Variants in MCTP1 observed in about 807,000 individuals in gnomAD.
The protein encoded by MCTP1 is multiple C2 and transmembrane domain containing 1, also known as multiple C2 and transmembrane domain-containing protein 1.
MCTP1 carries 69 observed loss-of-function variants against 120.6 expected under a neutral mutation model. The observed-to-expected ratio is 0.57, with a 90% CI of 0.47 to 0.70. MCTP1 has a LOEUF of 0.70. Ranked by LOEUF, MCTP1 falls within the 30% of genes least tolerant of loss-of-function variation. The pLI, the probability that MCTP1 is intolerant of heterozygous loss-of-function variation, is 0.00. For missense variants in MCTP1, 1,203 were observed against 1,248.8 expected (o/e 0.96, Z 0.55); for synonymous variants, 529 against 493.1 (o/e 1.07, Z -0.96).
chr5:94,932,018 T>G, intron 5 of MCTP1, 27 bp from the exon 6 acceptor site: 1 of 1,535,438 alleles, frequency 6.5e-7, no homozygotes, highest in Non-Finnish European at 9.0e-7. Context: ...GCATTTTCAT[T>G]ATCTTTTCAC....
At chr5:95,005,031 G>A (rs543740602) in intron 2 of MCTP1, among the ~76,000 whole-genome samples, 4 of 152,270 alleles carry the variant, frequency 2.6e-5, no homozygotes, top group South Asian at 4.1e-4. Context: ...AGAGCCACAG[G>A]GGCAGAGCTG....
intron 12 of MCTP1, among the ~76,000 whole-genome samples, chr5:94,879,055 C>A (rs1040448687): frequency 1.2e-4 from 18 of 151,934 alleles, no homozygotes; most frequent in Admixed American, 1.2e-3. Context: ...AAGAGCTAGA[C>A]CAAAAGCCTG....
intron 17 of MCTP1, chr5:94,867,394 A>T (rs1415916595): frequency 6.9e-7 from 1 of 1,442,754 alleles, no homozygotes; most frequent in Non-Finnish European, 9.4e-7. Context: ...TGAGAGGAAG[A>T]CAGAGCTCAA....
intron 16 of MCTP1, 24 bp downstream of exon 16, chr5:94,870,393 G>T (rs1375459240): frequency 6.1e-6 from 9 of 1,481,768 alleles, no homozygotes; most frequent in Non-Finnish European, 7.5e-6. Context: ...TTCCCAGAGG[G>T]ATTAATCTTT....
Position 94,708,579 on chromosome 5 carries a change from C to A in MCTP1, c.2861G>T (p.Ser954Ile). Reference sequence around the variant, plus strand: ...TTCATTGTTATCAATTGCATATGGACTCCGAAGCTTTTTTGTAAATTTATT... The same window carrying A: ...TTCATTGTTATCAATTGCATATGGAATCCGAAGCTTTTTTGTAAATTTATT... ...GINKFTKKLR[S>I]PYAIDNNELL... Residue 954 changes from serine to isoleucine, a missense_variant, in exon 22 of 23, where the codon AGT (serine) becomes ATT (isoleucine). Around this residue, in one of 2 missense-constraint regions of MCTP1, gnomAD observed 740 missense variants for 871.1 expected, o/e 0.85. Coordinates refer to ENST00000515393, the MANE Select transcript of MCTP1 (RefSeq NM_024717.7). 1 of 1,610,972 alleles carries A rather than the reference C, an allele frequency of 6.2e-7. No individual in the cohort carries two copies. Among genetic ancestry groups the A allele is most frequent in the South Asian group, 1.1e-5 (1 of 90,960 alleles).
intron 20 of MCTP1, among the ~76,000 whole-genome samples, chr5:94,712,360 A>C (rs1757352879): frequency 6.6e-6 from 1 of 152,086 alleles, no homozygotes; most frequent in Non-Finnish European, 1.5e-5. Context: ...CATGTGGATA[A>C]ATGTGTTTTT....
At chr5:94,853,720 A>G (rs1794198032) in intron 17 of MCTP1, among the ~76,000 whole-genome samples, 1 of 151,968 alleles carries the variant, frequency 6.6e-6, no homozygotes, top group Non-Finnish European at 1.5e-5. Context: ...CTACTGCTCT[A>G]CTTGCTCTCT....
At chr5:94,879,391 A>G (rs1799587026) in intron 12 of MCTP1, among the ~76,000 whole-genome samples, 1 of 152,100 alleles carries the variant, frequency 6.6e-6, no homozygotes, top group African/African-American at 2.4e-5. Flanking sequence ...ACCAAACACC[A>G]GTATGCTCCC....
intron 18 of MCTP1, among the ~76,000 whole-genome samples, chr5:94,786,042 A>G (rs1470869284): frequency 1.3e-5 from 2 of 152,138 alleles, no homozygotes; most frequent in Admixed American, 1.3e-4. Context: ...AACATTAGGG[A>G]TCTTTAAAGA....
chr5:94,903,830 C>T (rs1806135427), intron 10 of MCTP1, among the ~76,000 whole-genome samples: 1 of 152,164 alleles, frequency 6.6e-6, no homozygotes, highest in Admixed American at 6.5e-5. Context: ...GCAAATAACT[C>T]CAACTGAATA....
chr5:94,965,107 T>C (rs1451433509), intron 2 of MCTP1, among the ~76,000 whole-genome samples: 1 of 152,194 alleles, frequency 6.6e-6, no homozygotes, highest in Non-Finnish European at 1.5e-5. Context: ...CTTGAATAAC[T>C]CTCTGAATCA....
chr5:95,100,605 C>A (rs1311144558), intron 1 of MCTP1, among the ~76,000 whole-genome samples: 1 of 151,840 alleles, frequency 6.6e-6, no homozygotes, highest in Admixed American at 6.6e-5. Context: ...TTTAAAAATC[C>A]CAAAACTCAA....
At chr5:95,183,390 T>A (rs1748835838) in intron 1 of MCTP1, among the ~76,000 whole-genome samples, 1 of 151,206 alleles carries the variant, frequency 6.6e-6, no homozygotes, top group African/African-American at 2.4e-5. Flanking sequence ...TAATTTAAAA[T>A]AAATATAATT....
At chr5:95,040,052 G>A (rs1452935836) in intron 1 of MCTP1, among the ~76,000 whole-genome samples, 2 of 152,070 alleles carry the variant, frequency 1.3e-5, no homozygotes, top group Non-Finnish European at 2.9e-5. Context: ...TTCACTCTGG[G>A]AGCTTCATCT....
chr5:94,895,556 G>A (rs1375907004), intron 10 of MCTP1, among the ~76,000 whole-genome samples: 2 of 152,156 alleles, frequency 1.3e-5, no homozygotes, highest in African/African-American at 2.4e-5. Flanking sequence ...GCTAATAAAC[G>A]GAGAGAAAGG....
At chr5:95,188,470 G>A (rs1010628093) in intron 1 of MCTP1, among the ~76,000 whole-genome samples, 49 of 152,296 alleles carry the variant, frequency 3.2e-4, no homozygotes, top group African/African-American at 1.2e-3. Context: ...GTTCACAGCA[G>A]CTTTATTAGT....
intron 17 of MCTP1, among the ~76,000 whole-genome samples, chr5:94,820,308 C>T (rs1785363673): frequency 6.6e-6 from 1 of 152,164 alleles, no homozygotes; most frequent in African/African-American, 2.4e-5. Flanking sequence ...CAGTTAACCA[C>T]TCTGAACAGG....
intron 18 of MCTP1, among the ~76,000 whole-genome samples, chr5:94,780,754 A>G (rs78627506): frequency 0.021 from 3,124 of 152,256 alleles, 116 homozygotes; most frequent in African/African-American, 0.071. Flanking sequence ...TCCAAGGCAC[A>G]TAGTGCTAGG....
chr5:95,093,179 G>A (rs532122353), intron 1 of MCTP1, among the ~76,000 whole-genome samples: 1 of 152,296 alleles, frequency 6.6e-6, no homozygotes, highest in South Asian at 2.1e-4. Context: ...TGCAAAGGTC[G>A]TTGTTTGGTT....
Sources: gnomAD v4.1 joint callset for allele counts (sites outside exome capture counted in the v4.1 genomes callset) on GRCh38, gnomAD v4.1.1 for gene constraint, gnomAD v4.1.1 regional missense constraint, MANE v1.5 for transcripts, NCBI Gene and HGNC (gene_info 2026-07-23, HGNC 2026-07-21) for gene names.